PDE11A: variants seen among roughly 807,000 people sequenced by gnomAD.
The protein encoded by PDE11A is dual 3',5'-cyclic-AMP and -GMP phosphodiesterase 11A.
In PDE11A, 100 loss-of-function variants were observed where a neutral mutation model predicts 100.5. That is an observed-to-expected ratio of 1.00 (90% CI 0.85 to 1.18). The LOEUF (loss-of-function observed/expected upper bound fraction) is 1.18. PDE11A is among the 50% of genes most tolerant of loss of function. The pLI is 0.00. For missense variants in PDE11A, 1,141 were observed against 1,152.6 expected (o/e 0.99, Z 0.15); for synonymous variants, 381 against 420.8 (o/e 0.91, Z 1.16).
At chr2:177,914,549 T>G (rs13015148) in intron 2 of PDE11A, among the ~76,000 whole-genome samples, 19,879 of 152,140 alleles carry the variant, frequency 0.13, 1,654 homozygotes, top group African/African-American at 0.25. Flanking sequence ...CAAAAAGTTG[T>G]TTTGAGCTGC....
chr2:178,051,263 A>G (rs1025368644), intron 1 of PDE11A, among the ~76,000 whole-genome samples: 5 of 152,238 alleles, frequency 3.3e-5, no homozygotes, highest in African/African-American at 1.2e-4. Context: ...ACTAAGCTTC[A>G]TAAGTGAAGG....
At chr2:177,697,707 T>C (rs553028660) in intron 14 of PDE11A, among the ~76,000 whole-genome samples, 1 of 152,326 alleles carries the variant, frequency 6.6e-6, no homozygotes, top group Non-Finnish European at 1.5e-5. Context: ...ACTATGAATA[T>C]GTTGTGCCCA....
In PDE11A at chr2:177,830,181, C is replaced by T. The variant is rs1055716476; in HGVS notation, c.1501-9886G>A. The stretch of plus-strand genomic sequence containing the variant: ...CAATCTGAATGATCTTTAAAAAGAA[C>T]GCCAAGATCCAAATGAGAATTCCAC... On this transcript the variant is annotated intron_variant, in intron 6 of 19. Coordinates refer to ENST00000286063, the MANE Select transcript of PDE11A (RefSeq NM_016953.4). Among the ~76,000 whole-genome samples, 7 of 152,274 alleles carry T rather than the reference C, an allele frequency of 4.6e-5. No individual in the cohort carries two copies. The East Asian group carries it at 7.7e-4, about 17-fold the overall frequency.
chr2:177,829,610 A>ATTTTTT (rs71410764), intron 6 of PDE11A, among the ~76,000 whole-genome samples: 51 of 141,976 alleles, frequency 3.6e-4, no homozygotes, highest in Middle Eastern at 3.6e-3. Flanking sequence ...CTCCTGGCTA[A>ATTTTTT]TTTTTTTTTT....
intron 2 of PDE11A, among the ~76,000 whole-genome samples, chr2:177,910,725 T>C (rs2084868088): frequency 6.6e-6 from 1 of 152,190 alleles, no homozygotes; most frequent in Non-Finnish European, 1.5e-5. Context: ...AAAAAGTCAC[T>C]TTAGCCCTGG....
At chr2:177,934,919 C>G (rs1422204122) in intron 2 of PDE11A, among the ~76,000 whole-genome samples, 1 of 152,092 alleles carries the variant, frequency 6.6e-6, no homozygotes, top group East Asian at 1.9e-4. Context: ...TTTGGGTACT[C>G]ATGGATGTAA....
intron 1 of PDE11A, among the ~76,000 whole-genome samples, chr2:178,021,335 TTA>T (rs2086409158): frequency 1.3e-5 from 2 of 152,182 alleles, no homozygotes; most frequent in South Asian, 4.1e-4. Context: ...ATTACACTAC[TTA>T]TAAGATAATT....
At chr2:177,644,090 G>C (rs77408550) in intron 19 of PDE11A, among the ~76,000 whole-genome samples, 3,994 of 152,358 alleles carry the variant, frequency 0.026, 153 homozygotes, top group African/African-American at 0.09. Flanking sequence ...GGGAATGTGG[G>C]GGGGAGCCCC....
intron 2 of PDE11A, chr2:177,998,108 C>T (rs1182696948): frequency 4.6e-6 from 6 of 1,294,814 alleles, no homozygotes; most frequent in African/African-American, 4.4e-5. Context: ...TGTTCTAGGT[C>T]GGCCTGTTCA....
At chr2:177,890,842 A>G (rs2084518388) in intron 4 of PDE11A, among the ~76,000 whole-genome samples, 1 of 152,164 alleles carries the variant, frequency 6.6e-6, no homozygotes, top group Admixed American at 6.5e-5. Context: ...AGTTGTGAAA[A>G]TGTAATCTCA....
At chr2:177,752,838 A>G (rs2082042217) in intron 10 of PDE11A, among the ~76,000 whole-genome samples, 1 of 152,208 alleles carries the variant, frequency 6.6e-6, no homozygotes. Flanking sequence ...ATATTCACTC[A>G]CTAATTTGTT....
intron 1 of PDE11A, among the ~76,000 whole-genome samples, chr2:178,025,902 A>C (rs531983251): frequency 6.6e-6 from 1 of 152,322 alleles, no homozygotes; most frequent in South Asian, 2.1e-4. Context: ...CTAAGGTAAA[A>C]CCAGGAAGGC....
chr2:177,709,014 C>G (rs1487150265), intron 13 of PDE11A, among the ~76,000 whole-genome samples: 1 of 152,092 alleles, frequency 6.6e-6, no homozygotes, highest in Non-Finnish European at 1.5e-5. Flanking sequence ...GCAGGGGAAA[C>G]AGCATATTGG....
At chr2:178,061,630 A>G (rs1424627480) in intron 1 of PDE11A, among the ~76,000 whole-genome samples, 2 of 152,220 alleles carry the variant, frequency 1.3e-5, no homozygotes, top group Non-Finnish European at 2.9e-5. Flanking sequence ...GTGGCTCGGA[A>G]GCAAAGTTTG....
intron 19 of PDE11A, among the ~76,000 whole-genome samples, chr2:177,639,397 A>G (rs1287656024): frequency 6.6e-6 from 1 of 152,136 alleles, no homozygotes; most frequent in East Asian, 1.9e-4. Flanking sequence ...AGTGGAAACA[A>G]GGCCTTTTAT....
At chr2:177,849,371 A>G (rs1209643423) in intron 5 of PDE11A, among the ~76,000 whole-genome samples, 1 of 152,208 alleles carries the variant, frequency 6.6e-6, no homozygotes, top group Non-Finnish European at 1.5e-5. Context: ...TGGAAGAGAA[A>G]GAAGATAAAA....
chr2:177,812,492 T>G (rs764070653), intron 9 of PDE11A, among the ~76,000 whole-genome samples: 6 of 152,114 alleles, frequency 3.9e-5, no homozygotes, highest in African/African-American at 7.2e-5. Context: ...AATAGGTAGA[T>G]CAATGGGACA....
intron 1 of PDE11A, among the ~76,000 whole-genome samples, chr2:178,025,304 C>T (rs910040255): frequency 2.6e-5 from 4 of 152,070 alleles, no homozygotes; most frequent in African/African-American, 7.2e-5. Context: ...AAGGGCATAC[C>T]TTTATTTAAG....
At chr2:177,853,714 T>TGTGTTTGTG (rs1558974124) in intron 5 of PDE11A, among the ~76,000 whole-genome samples, 13 of 16,296 alleles carry the variant, frequency 8.0e-4, no homozygotes, top group African/African-American at 2.2e-3. Flanking sequence ...GTGTGTGTGT[T>TGTGTTTGTG]TGTGTGTGTG....
Sources: gnomAD v4.1 joint callset for allele counts (sites outside exome capture counted in the v4.1 genomes callset) on GRCh38, gnomAD v4.1.1 for gene constraint, MANE v1.5 for transcripts, NCBI Gene and HGNC (gene_info 2026-07-23, HGNC 2026-07-21) for gene names.